Variants in SLC30A8 observed in about 807,000 individuals in gnomAD.
SLC30A8 encodes proton-coupled zinc antiporter SLC30A8.
In SLC30A8, 27 loss-of-function variants were observed where a neutral mutation model predicts 36.9. The observed-to-expected ratio is 0.73, with a 90% CI of 0.54 to 1.01. The LOEUF is 1.01. SLC30A8 is among the 50% of genes least tolerant of loss of function. The probability of loss-of-function intolerance (pLI) is 0.00; values close to 1 mark genes in which losing one functional copy is unlikely to be tolerated. For missense variants in SLC30A8, 439 were observed against 452.0 expected (o/e 0.97, Z 0.26); for synonymous variants, 164 against 172.4 (o/e 0.95, Z 0.38).
intron 2 of SLC30A8, among the ~76,000 whole-genome samples, chr8:117,097,987 A>ATTTAAATAAATATATAATATATATTTAT (rs1359446309): frequency 4.8e-4 from 61 of 126,832 alleles, no homozygotes; most frequent in African/African-American, 1.1e-3. Context: ...AATTTAATAA[A>ATTTAAATAAATATATAATATATATTTAT]TTTAAATAAA....
At chr8:117,089,002 T>A (rs952596809) in intron 2 of SLC30A8, among the ~76,000 whole-genome samples, 8 of 152,254 alleles carry the variant, frequency 5.3e-5, no homozygotes, top group Admixed American at 5.2e-4. Flanking sequence ...ATTCTTATCC[T>A]ACTTGTCCTC....
At chr8:117,082,128 A>G (rs181351581) in intron 2 of SLC30A8, among the ~76,000 whole-genome samples, 1 of 152,324 alleles carries the variant, frequency 6.6e-6, no homozygotes, top group Admixed American at 6.5e-5. Context: ...ATAGAAACAT[A>G]TAGTTATATT....
intron 2 of SLC30A8, among the ~76,000 whole-genome samples, chr8:117,109,709 A>T (rs1270764084): frequency 6.6e-6 from 1 of 152,186 alleles, no homozygotes; most frequent in Non-Finnish European, 1.5e-5. Context: ...TGTTGAAGAC[A>T]TGTTGTTATT....
At chr8:117,097,414 A>G (rs1362081007) in intron 2 of SLC30A8, among the ~76,000 whole-genome samples, 1 of 120,006 alleles carries the variant, frequency 8.3e-6, no homozygotes, top group Non-Finnish European at 1.6e-5. Flanking sequence ...AAAAAAAAAA[A>G]AAAAATATAT....
At chr8:117,077,807 A>G (rs571588023) in intron 2 of SLC30A8, among the ~76,000 whole-genome samples, 1 of 152,320 alleles carries the variant, frequency 6.6e-6, no homozygotes, top group Admixed American at 6.5e-5. Context: ...ATTATTGGCA[A>G]TCTTTCTAGA....
At chr8:117,123,194 G>A (rs1383522856) in intron 2 of SLC30A8, among the ~76,000 whole-genome samples, 5 of 151,832 alleles carry the variant, frequency 3.3e-5, no homozygotes, top group Non-Finnish European at 5.9e-5. Context: ...CCTCTTCTGG[G>A]TCTAAGTTTT....
intron 1 of SLC30A8, among the ~76,000 whole-genome samples, chr8:117,020,920 G>T (rs189538674): frequency 2.0e-5 from 3 of 152,236 alleles, no homozygotes; most frequent in Non-Finnish European, 4.4e-5. Context: ...CTTAAATCTG[G>T]ACTGCAGTGG....
At chr8:116,993,197 C>G (rs1420871635) in intron 1 of SLC30A8, among the ~76,000 whole-genome samples, 1 of 151,160 alleles carries the variant, frequency 6.6e-6, no homozygotes, top group Non-Finnish European at 1.5e-5. Context: ...ATTATAGAAG[C>G]TCTGCAGTGC....
At chr8:116,987,913 G>C (rs770855893) in intron 1 of SLC30A8, among the ~76,000 whole-genome samples, 6 of 152,164 alleles carry the variant, frequency 3.9e-5, no homozygotes, top group African/African-American at 4.8e-5. Flanking sequence ...TGGCCAGGCT[G>C]GTCTCGAACT....
At chr8:117,077,097 T>C (rs1818513449) in intron 2 of SLC30A8, among the ~76,000 whole-genome samples, 1 of 152,188 alleles carries the variant, frequency 6.6e-6, no homozygotes, top group Non-Finnish European at 1.5e-5. Context: ...AGACCACCTG[T>C]TTACACTCAT....
At chr8:117,123,234 A>G (rs182452641) in intron 2 of SLC30A8, among the ~76,000 whole-genome samples, 1 of 152,060 alleles carries the variant, frequency 6.6e-6, no homozygotes, top group African/African-American at 2.4e-5. Flanking sequence ...ATGTGTCTAC[A>G]TTTAAACCTT....
chr8:117,113,863 A>G (rs76701322), intron 2 of SLC30A8, among the ~76,000 whole-genome samples: 3 of 152,182 alleles, frequency 2.0e-5, no homozygotes, highest in Non-Finnish European at 4.4e-5. Context: ...AATTCATGAT[A>G]CAATAATGTA....
intron 1 of SLC30A8, among the ~76,000 whole-genome samples, chr8:116,995,796 G>A (rs1394766244): frequency 5.3e-5 from 8 of 152,134 alleles, no homozygotes; most frequent in Non-Finnish European, 1.2e-4. Context: ...CAGATAAGCT[G>A]TAAGTCTGGC....
rs1173944334 is a variant in SLC30A8, at chr8:117,174,894, A to G, written c.*2213A>G. ...TATATGGCAAAATGCAAGACAATCTACAAGGGAGATTTTAAGGATTTTGAG... is the reference window on the plus strand; with the variant it reads ...TATATGGCAAAATGCAAGACAATCTGCAAGGGAGATTTTAAGGATTTTGAG... On this transcript the variant is annotated 3_prime_UTR_variant, in exon 8 of 8. Coordinates refer to ENST00000456015, the MANE Select transcript of SLC30A8 (RefSeq NM_173851.3). 3.3e-5 allele frequency: 5 copies of G among 152,196 alleles called. No homozygotes were observed. The highest frequency in any genetic ancestry group is 1.2e-4 in the African/African-American group (5 of 41,124). The allele number at this position is 152,196 out of a possible 1,614,324, so 9.4% of individuals were successfully genotyped here.
At chr8:117,050,723 A>G (rs1212652269) in intron 2 of SLC30A8, among the ~76,000 whole-genome samples, 1 of 152,090 alleles carries the variant, frequency 6.6e-6, no homozygotes, top group African/African-American at 2.4e-5. Context: ...TTTTTACTAG[A>G]GGAATTAACA....
chr8:117,143,959 A>T (rs537561010), intron 1 of SLC30A8, among the ~76,000 whole-genome samples: 1 of 152,052 alleles, frequency 6.6e-6, no homozygotes, highest in South Asian at 2.1e-4. Context: ...AGGATAAATT[A>T]TCTCTCCTGG....
At chr8:117,098,493 G>C (rs370353290) in intron 2 of SLC30A8, among the ~76,000 whole-genome samples, 1 of 152,070 alleles carries the variant, frequency 6.6e-6, no homozygotes, top group Non-Finnish European at 1.5e-5. Flanking sequence ...TCCTATCCAC[G>C]GATGCGTGTC....
At chr8:117,166,066 C>A (rs921452753) in intron 6 of SLC30A8, among the ~76,000 whole-genome samples, 10 of 152,042 alleles carry the variant, frequency 6.6e-5, no homozygotes, top group Non-Finnish European at 2.9e-5. Flanking sequence ...TATAGCACTA[C>A]AGAATGACAA....
At chr8:117,067,054 CCTT>C (rs572877418) in intron 2 of SLC30A8, among the ~76,000 whole-genome samples, 5 of 152,098 alleles carry the variant, frequency 3.3e-5, no homozygotes, top group South Asian at 2.1e-4. Context: ...GCAAATACGT[CCTT>C]CTTCACATGG....
Sources: allele counts gnomAD v4.1 joint callset (sites outside exome capture counted in the v4.1 genomes callset), GRCh38; gene constraint gnomAD v4.1.1; transcripts MANE v1.5; gene names NCBI Gene and HGNC (gene_info 2026-07-23, HGNC 2026-07-21).